SPINK1: variants seen among roughly 807,000 people sequenced by gnomAD.
The protein encoded by SPINK1 is serine protease inhibitor Kazal-type 1.
In SPINK1, 5 loss-of-function variants were observed where a neutral mutation model predicts 9.5. That is an observed-to-expected ratio of 0.52 (90% CI 0.27 to 1.10). SPINK1 has a LOEUF of 1.10. Ranked by LOEUF, SPINK1 falls within the 50% of genes least tolerant of loss-of-function variation. The probability of loss-of-function intolerance (pLI) is 0.11; values close to 1 mark genes in which losing one functional copy is unlikely to be tolerated. For missense variants in SPINK1, 88 were observed against 92.7 expected (o/e 0.95, Z 0.21); for synonymous variants, 37 against 32.3 (o/e 1.14, Z -0.49).
chr5:147,830,375 G>A (rs1000582731), intron 1 of SPINK1, among the ~76,000 whole-genome samples: 3 of 152,162 alleles, frequency 2.0e-5, no homozygotes, highest in Non-Finnish European at 4.4e-5. Context: ...AAGGGAAAGG[G>A]AACTAATATG....
chr5:147,839,110 C>G, the SPINK1 span, among the ~76,000 whole-genome samples: 1 of 152,224 alleles, frequency 6.6e-6, no homozygotes, highest in African/African-American at 2.4e-5. Flanking sequence ...TTCCACATGG[C>G]TGGGGAGGCC....
intron 1 of SPINK1, among the ~76,000 whole-genome samples, chr5:147,830,297 T>A (rs1756486502): frequency 6.6e-6 from 1 of 152,094 alleles, no homozygotes; most frequent in African/African-American, 2.4e-5. Context: ...TAATCTCTAT[T>A]CCCCCAGAAA....
intron 3 of SPINK1, among the ~76,000 whole-genome samples, chr5:147,825,582 C>A (rs1247630209): frequency 6.6e-6 from 1 of 152,076 alleles, no homozygotes; most frequent in Non-Finnish European, 1.5e-5. Context: ...GCTGGGATTA[C>A]AGGTGAATGC....
intron 3 of SPINK1, 103 bp from the exon 4 acceptor site, chr5:147,824,809 G>A: frequency 2.9e-6 from 3 of 1,026,766 alleles, no homozygotes; most frequent in Non-Finnish European, 4.5e-6. Flanking sequence ...ATTTAAAGTT[G>A]GAGAGGTTTG....
At chr5:147,833,868 T>C (rs1287110140), upstream of SPINK1, among the ~76,000 whole-genome samples, 1 of 152,170 alleles carries the variant, frequency 6.6e-6, no homozygotes, top group African/African-American at 2.4e-5. Flanking sequence ...CCCCAAGAGA[T>C]TCTTCCTTGC....
In SPINK1 at chr5:147,829,724, A is replaced by G. The variant is rs540656420; in HGVS notation, c.56-94T>C. 6.3e-6 allele frequency: 7 copies of G among 1,111,232 alleles called. 1 individual carries two copies. Among genetic ancestry groups the G allele is most frequent in the South Asian group, 2.5e-5 (2 of 78,922 alleles). The allele number at this position is 1,111,232 out of a possible 1,614,324, so 68.8% of individuals were successfully genotyped here. On this transcript the variant is annotated intron_variant, in intron 1 of 3. Coordinates refer to ENST00000296695, the MANE Select transcript of SPINK1 (RefSeq NM_001379610.1). ...TTCTCTGCTTTCATTGCAGACTGTG[A>G]CTTCTTTACTAGGCTCTTTCATTCC...
chr5:147,838,358 A>G, the SPINK1 span, among the ~76,000 whole-genome samples: 1 of 152,228 alleles, frequency 6.6e-6, no homozygotes, highest in Non-Finnish European at 1.5e-5. Context: ...ATAAGGAAAT[A>G]TAGAATGCTG....
chr5:147,837,697 CTTT>C, the SPINK1 span, among the ~76,000 whole-genome samples: 5 of 144,534 alleles, frequency 3.5e-5, no homozygotes, highest in African/African-American at 1.3e-4. Flanking sequence ...TTCTTTCTTT[CTTT>C]CTTTCTTTCT....
At chr5:147,824,778 A>G in intron 3 of SPINK1, 72 bp from the exon 4 acceptor site, 1 of 1,374,418 alleles carries the variant, frequency 7.3e-7, no homozygotes, top group Non-Finnish European at 1.0e-6. Context: ...GGAGAAAAAC[A>G]GGGGGAAAAA....
Position 147,829,607 on chromosome 5 carries a change from C to T in SPINK1, c.79G>A (p.Gly27Arg). 1 of 1,612,630 alleles carries T rather than the reference C, an allele frequency of 6.2e-7. No individual in the cohort carries two copies. Among genetic ancestry groups the T allele is most frequent in the Non-Finnish European group, 8.5e-7 (1 of 1,179,108 alleles). ...LSGNTGADSL[G>R]REAKCYNELN... Reference sequence around the variant, plus strand: ...TACAAATATCTCTTTACCTCTCTTCCCAGGGAGTCAGCTCCAGTGTTACCT... The same window carrying T: ...TACAAATATCTCTTTACCTCTCTTCTCAGGGAGTCAGCTCCAGTGTTACCT... Residue 27 changes from glycine to arginine, a missense_variant, in exon 2 of 4, where the codon GGA becomes AGA. Gly to Arg is a moderately radical substitution (Grantham distance 125). Coordinates refer to ENST00000296695, the MANE Select transcript of SPINK1 (RefSeq NM_001379610.1).
upstream of SPINK1, among the ~76,000 whole-genome samples, chr5:147,835,438 T>C (rs924620258): frequency 6.6e-6 from 1 of 151,934 alleles, no homozygotes. Context: ...AGATGAGGAG[T>C]GCATTGACCA....
In SPINK1 at chr5:147,831,620, C is replaced by T. The variant is rs185818957; in HGVS notation, c.-43G>A. The T allele has an allele frequency of 4.6e-5, 74 of 1,610,930 alleles. No homozygotes were observed. In the African/African-American group the frequency reaches 9.1e-4, roughly 20 times the overall value. On this transcript the variant is annotated 5_prime_UTR_variant, in exon 1 of 4. Transcript: ENST00000296695. Reference sequence around the variant, plus strand: ...CAGAGGTCAGTTGAAAACTGCACCGCACTTACCACGTCTCTTCAGAAGCCT... The same window carrying T: ...CAGAGGTCAGTTGAAAACTGCACCGTACTTACCACGTCTCTTCAGAAGCCT...
At chr5:147,833,257 G>A (rs2127140409), upstream of SPINK1, among the ~76,000 whole-genome samples, 1 of 152,276 alleles carries the variant, frequency 6.6e-6, no homozygotes, top group Admixed American at 6.5e-5. Context: ...GGGCAAAATG[G>A]GAGATGAAAT....
intron 1 of SPINK1, among the ~76,000 whole-genome samples, chr5:147,830,308 A>ATAG (rs1398435096): frequency 6.6e-6 from 1 of 152,350 alleles, no homozygotes; most frequent in African/African-American, 2.4e-5. Flanking sequence ...CCCCCAGAAA[A>ATAG]TAGCAGAGGT....
chr5:147,833,745 T>C (rs933525893), upstream of SPINK1, among the ~76,000 whole-genome samples: 2 of 152,180 alleles, frequency 1.3e-5, no homozygotes, highest in Non-Finnish European at 1.5e-5. Context: ...GAAAGGCCCA[T>C]AGGGATCTTT....
upstream of SPINK1, chr5:147,831,832 G>A (rs939660411): frequency 3.7e-6 from 5 of 1,357,138 alleles, no homozygotes; most frequent in African/African-American, 1.5e-5. Flanking sequence ...ATTCTGTCAG[G>A]AAAATAGTTC....
intron 3 of SPINK1, among the ~76,000 whole-genome samples, chr5:147,826,848 A>C (rs1756413527): frequency 6.6e-6 from 1 of 152,158 alleles, no homozygotes. Context: ...GCCCAAGAAG[A>C]AGGTTTGCAT....
upstream of SPINK1, among the ~76,000 whole-genome samples, chr5:147,834,070 C>T (rs534139463): frequency 4.6e-5 from 7 of 152,208 alleles, no homozygotes; most frequent in East Asian, 1.9e-4. Context: ...TCCTATTGTA[C>T]GATCTTCATA....
intron 2 of SPINK1, 71 bp downstream of exon 2, chr5:147,829,528 A>AG (rs1756471847): frequency 6.8e-7 from 1 of 1,469,270 alleles, no homozygotes; most frequent in African/African-American, 1.4e-5. Context: ...GAAAGGTGAC[A>AG]GCAAGGCTGC....
Sources: gnomAD v4.1 joint callset for allele counts (sites outside exome capture counted in the v4.1 genomes callset) on GRCh38, gnomAD v4.1.1 for gene constraint, MANE v1.5 for transcripts, NCBI Gene and HGNC (gene_info 2026-07-23, HGNC 2026-07-21) for gene names.